Variants in GNAQ observed in about 807,000 individuals in gnomAD.
The protein encoded by GNAQ is G protein subunit alpha q, also known as guanine nucleotide-binding protein G(q) subunit alpha.
A neutral mutation model predicts 43.9 loss-of-function variants in GNAQ; 8 were observed. The ratio of observed to expected loss-of-function variants is 0.18; its 90% confidence interval spans 0.11 to 0.33. The LOEUF is 0.33. Ranked by LOEUF, GNAQ falls within the 10% of genes least tolerant of loss-of-function variation. The pLI is 1.00. For synonymous variants in GNAQ, 155 were observed against 170.7 expected (o/e 0.91, Z 0.71); for missense variants, 158 against 450.8 (o/e 0.35, Z 5.88).
intron 1 of GNAQ, among the ~76,000 whole-genome samples, chr9:78,006,564 T>C (rs1823708676): frequency 6.6e-6 from 1 of 152,216 alleles, no homozygotes; most frequent in African/African-American, 2.4e-5. Flanking sequence ...TTTCCAAGCA[T>C]CATTCAAACT....
chr9:77,984,518 A>G (rs911585559), intron 1 of GNAQ, among the ~76,000 whole-genome samples: 1 of 152,192 alleles, frequency 6.6e-6, no homozygotes, highest in African/African-American at 2.4e-5. Flanking sequence ...GAAATAGTTA[A>G]CAAAGTCCTT....
At chr9:78,024,219 A>G (rs1823947937) in intron 1 of GNAQ, among the ~76,000 whole-genome samples, 1 of 152,170 alleles carries the variant, frequency 6.6e-6, no homozygotes, top group African/African-American at 2.4e-5. Context: ...AAGAGAACAA[A>G]TGAGAGGAAG....
At chr9:77,804,144 C>T (rs1183618190) in intron 3 of GNAQ, among the ~76,000 whole-genome samples, 1 of 152,174 alleles carries the variant, frequency 6.6e-6, no homozygotes, top group South Asian at 2.1e-4. Flanking sequence ...AATTTATGCT[C>T]CCATTTGACA....
rs1434513801 is a variant in GNAQ, at chr9:77,717,841, A to G, written c.*3482T>C. ...TAAAATTTTTTTTTCCAGTCTATTC[A>G]TGACATTCAACAGAGCTCTTTATAT... On this transcript the variant is annotated 3_prime_UTR_variant, in exon 7 of 7. Transcript: ENST00000286548. 4.3e-6 allele frequency: 1 copy of G among 232,330 alleles called. No individual in the cohort carries two copies. The highest frequency in any genetic ancestry group is 8.5e-6 in the Non-Finnish European group (1 of 117,640). The allele number at this position is 232,330 out of a possible 1,614,324, so 14.4% of individuals were successfully genotyped here. A position where few individuals can be genotyped will look rare whatever the true frequency, so the allele number is the denominator to read the frequency against.
chr9:77,890,656 G>C (rs1828390420), intron 2 of GNAQ, among the ~76,000 whole-genome samples: 1 of 151,978 alleles, frequency 6.6e-6, no homozygotes, highest in Non-Finnish European at 1.5e-5. Flanking sequence ...CCAGGAGGCG[G>C]AGGTTGCGGT....
At chr9:77,792,321 A>G (rs1826587954) in intron 5 of GNAQ, among the ~76,000 whole-genome samples, 1 of 152,172 alleles carries the variant, frequency 6.6e-6, no homozygotes, top group Non-Finnish European at 1.5e-5. Flanking sequence ...ATTATTTAAA[A>G]GTAGCATAAG....
chr9:78,002,138 CATA>C (rs1380374586), intron 1 of GNAQ, among the ~76,000 whole-genome samples: 3 of 152,164 alleles, frequency 2.0e-5, no homozygotes, highest in East Asian at 1.9e-4. Context: ...AACCATTCCA[CATA>C]ATATTATTCA....
At chr9:77,956,146 A>T (rs1019774185) in intron 1 of GNAQ, among the ~76,000 whole-genome samples, 5 of 152,180 alleles carry the variant, frequency 3.3e-5, no homozygotes, top group African/African-American at 1.2e-4. Context: ...AAAGTGTTTT[A>T]TATATGTTCA....
chr9:77,745,897 G>C (rs1825720867), intron 5 of GNAQ, among the ~76,000 whole-genome samples: 1 of 152,012 alleles, frequency 6.6e-6, no homozygotes, highest in Non-Finnish European at 1.5e-5. Flanking sequence ...CTAGGTTAAA[G>C]GGCCCCAGAA....
rs867919099 is a variant in GNAQ, at chr9:77,720,852, G to C, written c.*471C>G. 1 of 236,668 alleles carries C rather than the reference G, an allele frequency of 4.2e-6. No individual in the cohort carries two copies. The allele number at this position is 236,668 out of a possible 1,614,324, so 14.7% of individuals were successfully genotyped here. A position where few individuals can be genotyped will look rare whatever the true frequency, so the allele number is the denominator to read the frequency against. On this transcript the variant is annotated 3_prime_UTR_variant, in exon 7 of 7. Transcript: ENST00000286548. ...TGGCTTAAATCGAACGATGTGTCCT[G>C]ACTGTATCATTTGAGAGAAAAACTT...
At chr9:77,942,372 T>TA (rs35607001) in intron 1 of GNAQ, among the ~76,000 whole-genome samples, 2 of 152,194 alleles carry the variant, frequency 1.3e-5, no homozygotes, top group African/African-American at 4.8e-5. Flanking sequence ...GGAATGATTT[T>TA]ACTAGTGAGC....
intron 2 of GNAQ, among the ~76,000 whole-genome samples, chr9:77,827,204 C>CCA (rs1827211591): frequency 6.6e-6 from 1 of 151,452 alleles, no homozygotes; most frequent in South Asian, 2.1e-4. Context: ...CAGGCAAAGA[C>CCA]CACAACCTGA....
At chr9:77,847,365 A>G (rs1393129972) in intron 2 of GNAQ, among the ~76,000 whole-genome samples, 2 of 152,196 alleles carry the variant, frequency 1.3e-5, no homozygotes, top group Non-Finnish European at 2.9e-5. Flanking sequence ...CAGCACTGCT[A>G]TTCAGTGTGC....
intron 1 of GNAQ, among the ~76,000 whole-genome samples, chr9:77,975,536 C>CTTT (rs34636918): frequency 3.3e-4 from 38 of 115,268 alleles, no homozygotes; most frequent in Non-Finnish European, 4.2e-4. Flanking sequence ...TCAGCCCCCC[C>CTTT]TTTTTTTTTT....
Position 77,951,776 on chromosome 9 carries a change from G to T in GNAQ, c.137-29431C>A, listed in dbSNP as rs145956758. ...CATTTGTGGGAAGGTGGTGAAGGGG[G>T]TCATCTCGATGAGTTATCAGATCCA... On this transcript the variant is annotated intron_variant, in intron 1 of 6. Coordinates refer to ENST00000286548, the MANE Select transcript of GNAQ (RefSeq NM_002072.5). 5.7e-3 allele frequency among the ~76,000 whole-genome samples: 867 copies of T among 152,238 alleles called. 10 individuals are homozygous for T. Among genetic ancestry groups the T allele is most frequent in the African/African-American group, 0.02 (816 of 41,544 alleles).
chr9:77,821,724 G>GGAGTGT (rs201504418), intron 2 of GNAQ, among the ~76,000 whole-genome samples: 2 of 142,308 alleles, frequency 1.4e-5, no homozygotes, highest in South Asian at 4.5e-4. Flanking sequence ...TCCTAGTATG[G>GGAGTGT]GTGTGTGTGT....
Position 77,862,922 on chromosome 9 carries a change from T to C in GNAQ, c.322-47152A>G, listed in dbSNP as rs1283060082. ...CGCCAGACACGGTGGCTCATGCCTG[T>C]AATCCCAGCACTTTGGGAGGCTGAG... On this transcript the variant is annotated intron_variant, in intron 2 of 6. Coordinates refer to ENST00000286548, the MANE Select transcript of GNAQ (RefSeq NM_002072.5). Among the ~76,000 whole-genome samples the C allele has an allele frequency of 2.6e-5, 4 of 152,324 alleles. No homozygotes were observed. In the East Asian group the frequency reaches 7.7e-4, roughly 29 times the overall value.
At chr9:77,950,411 G>C (rs907564685) in intron 1 of GNAQ, among the ~76,000 whole-genome samples, 2 of 152,136 alleles carry the variant, frequency 1.3e-5, no homozygotes, top group African/African-American at 4.8e-5. Flanking sequence ...TCCCATCCTT[G>C]AACACACACA....
chr9:77,938,348 A>T (rs1829263373), intron 1 of GNAQ, among the ~76,000 whole-genome samples: 1 of 152,218 alleles, frequency 6.6e-6, no homozygotes, highest in Admixed American at 6.5e-5. Flanking sequence ...AACACATGAC[A>T]GAGTTTGGAT....
Sources: allele counts gnomAD v4.1 joint callset (sites outside exome capture counted in the v4.1 genomes callset), GRCh38; gene constraint gnomAD v4.1.1; transcripts MANE v1.5; gene names NCBI Gene and HGNC (gene_info 2026-07-23, HGNC 2026-07-21).